Variants in KIAA1328 observed in about 807,000 individuals in gnomAD.
The protein encoded by KIAA1328 is protein hinderin.
In KIAA1328, 52 loss-of-function variants were observed where a neutral mutation model predicts 68.1. That is an observed-to-expected ratio of 0.76 (90% CI 0.61 to 0.96). KIAA1328 has a LOEUF of 0.96. KIAA1328 is among the 40% of genes least tolerant of loss of function. KIAA1328 has a pLI of 0.00. For synonymous variants in KIAA1328, 232 were observed against 239.4 expected (o/e 0.97, Z 0.28); for missense variants, 641 against 677.6 (o/e 0.95, Z 0.60).
Position 36,829,438 on chromosome 18 carries a change from C to T in KIAA1328, c.58+242C>T, listed in dbSNP as rs575943204. 1.8e-5 allele frequency: 24 copies of T among 1,310,240 alleles called. No homozygotes were observed. The South Asian group carries it at 4.4e-4, about 24-fold the overall frequency. The allele number at this position is 1,310,240 out of a possible 1,614,324, so 81.2% of individuals were successfully genotyped here. On this transcript the variant is annotated intron_variant, in intron 1 of 9. Coordinates refer to ENST00000280020, the MANE Select transcript of KIAA1328 (RefSeq NM_020776.3). ...TCAGATGCTTCCCAGCGCTCACTACCGGTGAGCTCGAGAAAGATAGCCTTG... is the reference window on the plus strand; with the variant it reads ...TCAGATGCTTCCCAGCGCTCACTACTGGTGAGCTCGAGAAAGATAGCCTTG...
At position 37,105,882 on chromosome 18, in the gene KIAA1328, G is replaced by C. The variant is rs574467423; in HGVS notation, c.1232+38337G>C. On this transcript the variant is annotated intron_variant, in intron 7 of 9. Transcript: ENST00000280020. ...CAGTGAGAAGAGATTGCTCCACTGC[G>C]CTCCAGCCTGGTTGACAGAGCAAGA... Among the ~76,000 whole-genome samples, 33 of 115,752 alleles carry C rather than the reference G, an allele frequency of 2.9e-4. No homozygotes were observed. The East Asian group carries it at 9.1e-3, about 32-fold the overall frequency. 75.9% of individuals were successfully genotyped at this position (115,752 alleles called of 152,430 possible).
intron 6 of KIAA1328, among the ~76,000 whole-genome samples, chr18:37,003,605 A>G (rs1178998047): frequency 5.3e-5 from 8 of 151,916 alleles, no homozygotes; most frequent in Non-Finnish European, 4.4e-5. Context: ...AGTCCCATGT[A>G]TTTATCTTTG....
chr18:37,229,054 C>A (rs1339389285), downstream of KIAA1328, among the ~76,000 whole-genome samples: 1 of 152,064 alleles, frequency 6.6e-6, no homozygotes, highest in Admixed American at 6.6e-5. Context: ...TTTATAGTGG[C>A]GATCTGGAAC....
intron 6 of KIAA1328, among the ~76,000 whole-genome samples, chr18:36,988,300 C>A (rs149114060): frequency 1.3e-5 from 2 of 152,036 alleles, no homozygotes; most frequent in Non-Finnish European, 1.5e-5. Context: ...TTGAAGAAGC[C>A]CTGTAAAACC....
chr18:36,885,445 C>T lies in KIAA1328; in HGVS notation c.333-112C>T, dbSNP rs190331678. On this transcript the variant is annotated intron_variant, in intron 4 of 9. Coordinates refer to ENST00000280020, the MANE Select transcript of KIAA1328 (RefSeq NM_020776.3). ...AACAACAAAACAGAACAGAGTGTTC[C>T]TGAAGAATTCGGCATACCTTTGGAA... 469 of 572,940 alleles carry T rather than the reference C, an allele frequency of 8.2e-4. 1 individual carries two copies. Among genetic ancestry groups the T allele is most frequent in the Non-Finnish European group, 1.1e-3 (356 of 334,612 alleles). 35.5% of individuals were successfully genotyped at this position (572,940 alleles called of 1,614,324 possible). A position where few individuals can be genotyped will look rare whatever the true frequency, so the allele number is the denominator to read the frequency against.
chr18:36,968,619 C>T (rs912821111), intron 6 of KIAA1328, among the ~76,000 whole-genome samples: 5 of 152,184 alleles, frequency 3.3e-5, no homozygotes, highest in East Asian at 1.9e-4. Flanking sequence ...TAACACAAGG[C>T]GACCCAGATT....
In KIAA1328 at chr18:37,099,265, G is replaced by T. The variant is rs970067151; in HGVS notation, c.1232+31720G>T. Among the ~76,000 whole-genome samples, 19 of 152,134 alleles carry T rather than the reference G, an allele frequency of 1.2e-4. No homozygotes were observed. The East Asian group carries it at 3.7e-3, about 29-fold the overall frequency. The stretch of plus-strand genomic sequence containing the variant: ...CTTTGAATGTGTCCCAGAGATTCTG[G>T]TACGTTGTGTCTTTGTTCTCATTGG... On this transcript the variant is annotated intron_variant, in intron 7 of 9. Transcript: ENST00000280020.
At chr18:36,834,723 T>C (rs1233356369) in intron 2 of KIAA1328, among the ~76,000 whole-genome samples, 1 of 152,220 alleles carries the variant, frequency 6.6e-6, no homozygotes. Flanking sequence ...GTTTAATGGT[T>C]GTAACTAGAT....
At chr18:36,997,124 A>G (rs1168337283) in intron 6 of KIAA1328, among the ~76,000 whole-genome samples, 1 of 152,044 alleles carries the variant, frequency 6.6e-6, no homozygotes, top group Non-Finnish European at 1.5e-5. Context: ...AAAAAAAATT[A>G]CTTTTAAAGG....
intron 7 of KIAA1328, among the ~76,000 whole-genome samples, chr18:37,124,437 C>A (rs768846884): frequency 6.6e-6 from 1 of 151,830 alleles, no homozygotes; most frequent in Non-Finnish European, 1.5e-5. Context: ...TCCAAGCTAC[C>A]GCCATTCCCA....
At chr18:37,215,937 G>C (rs979209785) in intron 9 of KIAA1328, among the ~76,000 whole-genome samples, 6 of 152,202 alleles carry the variant, frequency 3.9e-5, no homozygotes, top group African/African-American at 1.4e-4. Context: ...TATTTGCTTA[G>C]AAGTGTTTAT....
chr18:36,992,815 A>T (rs550949567), intron 6 of KIAA1328, among the ~76,000 whole-genome samples: 2 of 152,310 alleles, frequency 1.3e-5, no homozygotes, highest in African/African-American at 4.8e-5. Context: ...AAAATTTAAT[A>T]AAAACAGGCC....
intron 4 of KIAA1328, among the ~76,000 whole-genome samples, chr18:36,863,601 T>C (rs2047643205): frequency 1.3e-5 from 2 of 152,302 alleles, no homozygotes; most frequent in South Asian, 4.1e-4. Flanking sequence ...TAGATCAAAT[T>C]TGGGAAGAAT....
chr18:36,897,192 T>C (rs1421923663), intron 5 of KIAA1328, among the ~76,000 whole-genome samples: 1 of 152,034 alleles, frequency 6.6e-6, no homozygotes. Context: ...CTTTTCTTAA[T>C]ACAGAATCCC....
chr18:37,026,803 A>C (rs893785557), intron 6 of KIAA1328, among the ~76,000 whole-genome samples: 1 of 152,228 alleles, frequency 6.6e-6, no homozygotes, highest in African/African-American at 2.4e-5. Context: ...ATTCCCTTTG[A>C]AAACTGGCAC....
At chr18:36,847,975 CTTGA>C (rs1474494222) in intron 4 of KIAA1328, among the ~76,000 whole-genome samples, 2 of 151,690 alleles carry the variant, frequency 1.3e-5, no homozygotes, top group Admixed American at 1.3e-4. Context: ...ACTGCACTGA[CTTGA>C]TTAATTTTAT....
chr18:37,104,666 A>T (rs982083984), intron 7 of KIAA1328, among the ~76,000 whole-genome samples: 35 of 152,354 alleles, frequency 2.3e-4, no homozygotes, highest in Admixed American at 1.8e-3. Context: ...CCATAAAGAA[A>T]TGATAAATAT....
chr18:37,204,140 A>G (rs2060170473), intron 9 of KIAA1328, among the ~76,000 whole-genome samples: 1 of 152,178 alleles, frequency 6.6e-6, no homozygotes, highest in African/African-American at 2.4e-5. Flanking sequence ...GAGCTTTAAG[A>G]CATAAGCTCA....
intron 4 of KIAA1328, among the ~76,000 whole-genome samples, chr18:36,859,414 G>C (rs1002691760): frequency 6.6e-6 from 1 of 151,268 alleles, no homozygotes; most frequent in Admixed American, 6.6e-5. Context: ...AAGTTGTTCA[G>C]AGTTGATTAT....
Sources: allele counts gnomAD v4.1 joint callset (sites outside exome capture counted in the v4.1 genomes callset), GRCh38; gene constraint gnomAD v4.1.1; transcripts MANE v1.5; gene names NCBI Gene and HGNC (gene_info 2026-07-23, HGNC 2026-07-21).